CIC: variants seen among roughly 807,000 people sequenced by gnomAD.
CIC encodes the protein capicua transcriptional repressor, also known as protein capicua homolog.
In CIC, 18 loss-of-function variants were observed where a neutral mutation model predicts 115.7. That is an observed-to-expected ratio of 0.16 (90% CI 0.11 to 0.23). The LOEUF is 0.23. Ranked by LOEUF, CIC falls within the 10% of genes least tolerant of loss-of-function variation. The pLI, the probability that CIC is intolerant of heterozygous loss-of-function variation, is 1.00. For missense variants in CIC, 2,000 were observed against 2,159.3 expected, an observed-to-expected ratio of 0.93 and a Z score of 1.46; for synonymous variants, 1,076 against 923.0, an observed-to-expected ratio of 1.17 and a Z score of -3.01.
chr19:42,289,114 G>T (rs1480714059), intron 8 of CIC, 24 bp downstream of exon 8: 4 of 1,613,324 alleles, frequency 2.5e-6, no homozygotes, highest in Non-Finnish European at 2.5e-6. Flanking sequence ...GCCCCCTAGT[G>T]GGGGTGGGCA....
At chr19:42,284,803 G>T in intron 2 of CIC, 1 of 1,531,218 alleles carries the variant, frequency 6.5e-7, no homozygotes, top group Non-Finnish European at 8.8e-7. Flanking sequence ...GGACTGCAGG[G>T]GTCAAGGTGT....
In CIC at chr19:42,287,128, T is replaced by C. The variant is rs774513721; in HGVS notation, c.3067T>C (p.Leu1023=). The change falls in exon 4 of 21, where the codon TTG becomes CTG. Residue 1023 remains leucine (L), a synonymous_variant. Coordinates refer to ENST00000681038, the MANE Select transcript of CIC (RefSeq NM_001386298.1). This position sits in a 1 kb window ranked among gnomAD's most constrained non-coding sequence, Gnocchi z 8.7. ...CCCAGGACCCGGACCCCCACACCCT[T>C]TGGGGGTGGTGGAATCTGGTAAGGG... ...ESPGPGPPHP[L]GVVESGKGPP... is the part of the protein sequence containing the mutation. 3.2e-5 allele frequency: 51 copies of C among 1,613,426 alleles called. No individual in the cohort carries two copies. In the Middle Eastern group the frequency reaches 2.5e-3, roughly 80 times the overall value.
In CIC at chr19:42,290,471, C is replaced by T. The variant is rs564532974; in HGVS notation, c.4430C>T (p.Ala1477Val). Residue 1477 changes from alanine to valine, a missense_variant, in exon 11 of 21, where the codon GCG (alanine) becomes GTG (valine). Ala to Val is a moderately conservative substitution (Grantham distance 64). Transcript: ENST00000681038. ...KAQESGQGSTAGPLRPPPPGA... is the reference protein window; with the variant it reads ...KAQESGQGSTVGPLRPPPPGA... ...CAGGAGTCTGGTCAGGGCAGCACAG[C>T]GGGCCCCCTACGGCCCCCACCCCCT... 1.7e-5 allele frequency: 27 copies of T among 1,613,796 alleles called. No individual in the cohort carries two copies. The highest frequency in any genetic ancestry group is 1.7e-4 in the Middle Eastern group (1 of 5,994).
chr19:42,289,500 T>G, intron 9 of CIC, 94 bp downstream of exon 9: 4 of 1,359,106 alleles, frequency 2.9e-6, no homozygotes, highest in Non-Finnish European at 4.1e-6. Flanking sequence ...TAGGCCCCTT[T>G]GTTTTCTTTT....
chr19:42,283,811 C>T (rs1349738245), intron 2 of CIC, among the ~76,000 whole-genome samples: 1 of 152,094 alleles, frequency 6.6e-6, no homozygotes, highest in African/African-American at 2.4e-5. Context: ...CTGCCACCCT[C>T]CTACCGCGGC....
At position 42,293,072 on chromosome 19, in the gene CIC, G is replaced by A. The variant is rs199898619; in HGVS notation, c.6313G>A (p.Ala2105Thr). ...SIPVGSFEAG[A>T]SGRPGPAPRQ... is the part of the protein sequence containing the mutation. ...TCCCGTGGGGTCCTTTGAGGCAGGT[G>A]CCTCTGGGCGGCCTGGCCCTGCACC... The change falls in exon 16 of 21, where the codon GCC becomes ACC. Residue 2105 changes from alanine (A) to threonine (T), a missense_variant. This residue lies in a region of CIC where 1,466 missense variants were observed against 1,390.4 expected (regional missense o/e 1.05). Coordinates refer to ENST00000681038, the MANE Select transcript of CIC (RefSeq NM_001386298.1). The A allele has an allele frequency of 2.3e-4, 369 of 1,611,400 alleles. 1 individual carries two copies. The highest frequency in any genetic ancestry group is 3.0e-4 in the Non-Finnish European group (350 of 1,179,394).
Position 42,290,294 on chromosome 19 carries a change from C to CT in CIC, c.4253_4254insT (p.Leu1419ThrfsTer4). ...TCCTCCTTTACCCACTGCCGCCCCC[C>CT]ACTGGACCCTGAGCCCCCAGGGCCC... On this transcript the variant is annotated frameshift_variant, in exon 11 of 21. Transcript: ENST00000681038. LOFTEE classifies it high-confidence loss of function. 1 of 1,614,094 alleles carries CT rather than the reference C, an allele frequency of 6.2e-7. No homozygotes were observed. Among genetic ancestry groups the CT allele is most frequent in the South Asian group, 1.1e-5 (1 of 91,082 alleles).
chr19:42,273,917 G>A lies in CIC; in HGVS notation c.2134G>A (p.Gly712Arg), dbSNP rs2147023462. ...NLTFTVPISPGRRKTELLPHP... is the reference protein window; with the variant it reads ...NLTFTVPISPRRRKTELLPHP... ...GACCTTCACCGTGCCCATCAGCCCTGGGCGACGGAAGACAGAGCTGTTGCC... is the reference window on the plus strand; with the variant it reads ...GACCTTCACCGTGCCCATCAGCCCTAGGCGACGGAAGACAGAGCTGTTGCC... Residue 712 changes from glycine to arginine, a missense_variant, in exon 2 of 21, where the codon GGG (glycine) becomes AGG (arginine). By Grantham distance (125) the Gly-to-Arg change is moderately radical (BLOSUM62 -2). Coordinates refer to ENST00000681038, the MANE Select transcript of CIC (RefSeq NM_001386298.1). The A allele has an allele frequency of 2.5e-6, 1 of 398,272 alleles. No individual in the cohort carries two copies. Among genetic ancestry groups the A allele is most frequent in the Non-Finnish European group, 4.4e-6 (1 of 225,994 alleles). The allele number at this position is 398,272 out of a possible 1,614,324, so 24.7% of individuals were successfully genotyped here.
intron 12 of CIC, 95 bp downstream of exon 12, chr19:42,291,840 T>A: frequency 6.7e-7 from 1 of 1,484,302 alleles, no homozygotes; most frequent in Non-Finnish European, 9.4e-7. Flanking sequence ...CTTCTCCATG[T>A]ATCTGGTTCT....
Position 42,273,978 on chromosome 19 carries a change from G to C in CIC, c.2195G>C (p.Gly732Ala), listed in dbSNP as rs2036874910. 5 of 398,940 alleles carry C rather than the reference G, an allele frequency of 1.3e-5. No individual in the cohort carries two copies. The East Asian group carries it at 1.4e-4, about 11-fold the overall frequency. The allele number at this position is 398,940 out of a possible 1,614,324, so 24.7% of individuals were successfully genotyped here. A position where few individuals can be genotyped will look rare whatever the true frequency, so the allele number is the denominator to read the frequency against. Residue 732 changes from glycine to alanine, a missense_variant, in exon 2 of 21, where the codon GGT (glycine) becomes GCT (alanine). Coordinates refer to ENST00000681038, the MANE Select transcript of CIC (RefSeq NM_001386298.1). ...PGALGAPGAG[G>A]GGAAPDFPKS... ...GCCTTGGGGGCCCCTGGCGCAGGGG[G>C]TGGAGGAGCCGCCCCAGACTTTCCC...
At position 42,270,435 on chromosome 19, in the gene CIC, CCT is replaced by C. The variant is rs1379692513; in HGVS notation, c.-11+1057_-11+1058del. ...CTGGGTCCCCCAACCCTCCTAGAGG[CCT>C]CTGTTTTGGCCTCTCAGGTTCTCTT... On this transcript the variant is annotated intron_variant, in intron 1 of 20. Coordinates refer to ENST00000681038, the MANE Select transcript of CIC (RefSeq NM_001386298.1). This position sits in a 1 kb window ranked among gnomAD's most constrained non-coding sequence, Gnocchi z 4.1. 1.3e-5 allele frequency among the ~76,000 whole-genome samples: 2 copies of C among 152,206 alleles called. No homozygotes were observed. The highest frequency in any genetic ancestry group is 2.9e-5 in the Non-Finnish European group (2 of 68,030).
In CIC at chr19:42,290,298, G is replaced by A; in HGVS notation, c.4257G>A (p.Leu1419=). 6.2e-7 allele frequency: 1 copy of A among 1,614,008 alleles called. No individual in the cohort carries two copies. The highest frequency in any genetic ancestry group is 1.1e-5 in the South Asian group (1 of 91,084). ...RSSFTHCRPP[L]DPEPPGPPDP... ...CCTTTACCCACTGCCGCCCCCCACTGGACCCTGAGCCCCCAGGGCCCCCGG... is the reference window on the plus strand; with the variant it reads ...CCTTTACCCACTGCCGCCCCCCACTAGACCCTGAGCCCCCAGGGCCCCCGG... The change falls in exon 11 of 21, where the codon CTG becomes CTA. Residue 1419 remains leucine (L), a synonymous_variant. Coordinates refer to ENST00000681038, the MANE Select transcript of CIC (RefSeq NM_001386298.1).
chr19:42,278,182 G>A (rs1402112379), intron 2 of CIC, among the ~76,000 whole-genome samples: 4 of 152,198 alleles, frequency 2.6e-5, no homozygotes, highest in South Asian at 2.1e-4. Flanking sequence ...GCCAGCTGCC[G>A]TTGCCACCTC....
At chr19:42,275,938 A>G (rs2036959674) in intron 2 of CIC, among the ~76,000 whole-genome samples, 2 of 152,118 alleles carry the variant, frequency 1.3e-5, no homozygotes, top group African/African-American at 4.8e-5. Context: ...CAGCCTCTGG[A>G]AAAGACAGAC....
chr19:42,289,627 C>T (rs1568510597), intron 9 of CIC, among the ~76,000 whole-genome samples: 2 of 152,238 alleles, frequency 1.3e-5, no homozygotes, highest in Non-Finnish European at 2.9e-5. Flanking sequence ...ATGACCAGAT[C>T]TTCAGGTGCA....
intron 2 of CIC, among the ~76,000 whole-genome samples, chr19:42,281,708 G>A (rs1568494231): frequency 6.6e-6 from 1 of 152,178 alleles, no homozygotes; most frequent in African/African-American, 2.4e-5. Flanking sequence ...CAGGGCAGGG[G>A]GGCCCTTCCC....
intron 12 of CIC, 79 bp from the exon 13 acceptor site, chr19:42,292,004 AGTC>A: frequency 1.3e-6 from 2 of 1,594,540 alleles, no homozygotes; most frequent in Non-Finnish European, 1.7e-6. Context: ...TTTTGCTTAG[AGTC>A]CCACTTGAGG....
In CIC at chr19:42,294,675, C is replaced by T. The variant is rs770010057; in HGVS notation, c.7126C>T (p.Leu2376=). The change falls in exon 20 of 21, where the codon CTG becomes TTG. Residue 2376 remains leucine (L), a synonymous_variant. Transcript: ENST00000681038. ...GCCATACTCCTCCCTGCGGCGCACC[C>T]TGGACCAGCGCCGGGCCCTGGTCAT... The part of the protein sequence containing the change: ...KVPYSSLRRT[L]DQRRALVMQL... 7 of 1,613,700 alleles carry T rather than the reference C, an allele frequency of 4.3e-6. No individual in the cohort carries two copies. Among genetic ancestry groups the T allele is most frequent in the Middle Eastern group, 3.3e-4 (2 of 6,084 alleles).
In CIC at chr19:42,290,487, C is replaced by T; in HGVS notation, c.4446C>T (p.Pro1482=). The T allele has an allele frequency of 6.2e-7, 1 of 1,613,798 alleles. No individual in the cohort carries two copies. Among genetic ancestry groups the T allele is most frequent in the Non-Finnish European group, 8.5e-7 (1 of 1,179,956 alleles). Residue 1482 remains proline (P), a synonymous_variant, in exon 11 of 21, where the codon CCC becomes CCT. Transcript: ENST00000681038. ...GCAGCACAGCGGGCCCCCTACGGCC[C>T]CCACCCCCTGGGGCTGGGGGTCCAG... The part of the protein sequence containing the change: ...GQGSTAGPLR[P]PPPGAGGPAT...
Sources: gnomAD v4.1 joint callset for allele counts (sites outside exome capture counted in the v4.1 genomes callset) on GRCh38, gnomAD v4.1.1 for gene constraint, gnomAD v4.1.1 regional missense constraint, Gnocchi (gnomAD v3.1) non-coding constraint, MANE v1.5 for transcripts, NCBI Gene and HGNC (gene_info 2026-07-23, HGNC 2026-07-21) for gene names.